USP18: variants seen among roughly 807,000 people sequenced by gnomAD.
USP18 encodes ubl carboxyl-terminal hydrolase 18.
Under a neutral mutation model 48.7 loss-of-function variants are expected in USP18, and 11 were observed. The ratio of observed to expected loss-of-function variants is 0.23; its 90% CI spans 0.14 to 0.37. The LOEUF (loss-of-function observed/expected upper bound fraction) is 0.37, where lower values mean the gene tolerates loss of function less well. Among genes scored for constraint, USP18 ranks in the 10% least tolerant of loss-of-function variants. USP18 has a pLI of 1.00. For synonymous variants in USP18, 114 were observed against 163.2 expected, an observed-to-expected ratio of 0.70 and a Z score of 2.30; for missense variants, 285 against 436.4, an observed-to-expected ratio of 0.65 and a Z score of 3.09.
intron 7 of USP18, among the ~76,000 whole-genome samples, chr22:18,170,349 C>G (rs183661931): frequency 2.9e-4 from 44 of 152,292 alleles, no homozygotes; most frequent in African/African-American, 1.0e-3. Flanking sequence ...CTGGGTCTGG[C>G]TAGTATCTGG....
chr22:18,157,067 A>G (rs918481419), intron 1 of USP18, among the ~76,000 whole-genome samples: 1 of 152,216 alleles, frequency 6.6e-6, no homozygotes, highest in Non-Finnish European at 1.5e-5. Context: ...CCTAAGGCCG[A>G]CAGGTAGCTA....
intron 4 of USP18, among the ~76,000 whole-genome samples, chr22:18,166,350 A>G (rs1929477630): frequency 6.6e-6 from 1 of 151,894 alleles, no homozygotes; most frequent in Non-Finnish European, 1.5e-5. Flanking sequence ...TTTCTTTTAC[A>G]TCTTTTGACA....
chr22:18,161,641 C>T (rs5993023), intron 3 of USP18, 149 bp from the exon 4 acceptor site: 73,289 of 706,982 alleles, frequency 0.1, 4,317 homozygotes, highest in Middle Eastern at 0.13. Context: ...TAACTGCCCG[C>T]GCCCCGCCCC....
chr22:18,153,481 G>C (rs949793624), intron 1 of USP18, among the ~76,000 whole-genome samples: 3 of 151,294 alleles, frequency 2.0e-5, no homozygotes, highest in Non-Finnish European at 4.4e-5. Context: ...CTGGAGTGCC[G>C]TGGCACGATC....
At chr22:18,160,591 T>C (rs1929303618) in intron 3 of USP18, among the ~76,000 whole-genome samples, 1 of 152,180 alleles carries the variant, frequency 6.6e-6, no homozygotes, top group Non-Finnish European at 1.5e-5. Flanking sequence ...CGTAAGCCAC[T>C]GCACCTGGCC....
chr22:18,159,672 A>ATTTTTTTT (rs34386839), intron 2 of USP18, among the ~76,000 whole-genome samples: 1 of 76,912 alleles, frequency 1.3e-5, no homozygotes, highest in Admixed American at 1.6e-4. Context: ...TGATTTTTGG[A>ATTTTTTTT]TTTTTTTTTT....
intron 8 of USP18, among the ~76,000 whole-genome samples, chr22:18,172,881 A>G (rs1438144829): frequency 6.7e-6 from 1 of 149,174 alleles, no homozygotes; most frequent in Non-Finnish European, 1.5e-5. Context: ...CCCAGGGGAA[A>G]GTTCTAATCT....
At position 18,159,879 on chromosome 22, in the gene USP18, G is replaced by A. The variant is rs1368516899; in HGVS notation, c.158-293G>A. 5.3e-5 allele frequency among the ~76,000 whole-genome samples: 8 copies of A among 151,958 alleles called. No individual in the cohort carries two copies. In the East Asian group the frequency reaches 1.6e-3, roughly 30 times the overall value. On this transcript the variant is annotated intron_variant, in intron 2 of 10. Coordinates refer to ENST00000215794, the MANE Select transcript of USP18 (RefSeq NM_017414.4). ...TTTTTAGTAGAGACGGGGTTTCACC[G>A]TGTTAGCCAGGATGGTCTCGATCTC...
chr22:18,157,910 C>T (rs963892216), intron 2 of USP18, 90 bp downstream of exon 2: 2 of 1,530,206 alleles, frequency 1.3e-6, no homozygotes, highest in East Asian at 2.3e-5. Context: ...GCTTTGTATT[C>T]GACGGCTCAT....
chr22:18,176,647 TAGATGAAGGCCTAATCCAGCCGCCTG>T (rs1929807293), intron 10 of USP18, 99 bp from the exon 11 acceptor site: 2 of 292,114 alleles, frequency 6.8e-6, no homozygotes, highest in African/African-American at 6.2e-5. Flanking sequence ...AGGTGATGGA[TAGATGAAGGCCTAATCCAGCCGCCTG>T]GAAGTTTGCT....
chr22:18,159,499 CT>C (rs34724251), intron 2 of USP18, among the ~76,000 whole-genome samples: 3,251 of 139,914 alleles, frequency 0.023, 109 homozygotes, highest in African/African-American at 0.074. Context: ...TTTTTGTCAA[CT>C]TTTTTTTTTT....
At chr22:18,173,751 G>C (rs1418032805) in intron 9 of USP18, 42 bp from the exon 10 acceptor site, 1 of 1,605,458 alleles carries the variant, frequency 6.2e-7, no homozygotes, top group Non-Finnish European at 8.5e-7. Context: ...GTGGGTGCTT[G>C]TGTCAGCTGG....
chr22:18,167,180 T>G, intron 4 of USP18, 75 bp from the exon 5 acceptor site: 1 of 1,566,018 alleles, frequency 6.4e-7, no homozygotes, highest in Non-Finnish European at 8.7e-7. Flanking sequence ...AGTGTTCATG[T>G]GTGTCTAAGT....
chr22:18,163,719 A>G (rs1929394640), intron 4 of USP18, among the ~76,000 whole-genome samples: 1 of 152,096 alleles, frequency 6.6e-6, no homozygotes, highest in Admixed American at 6.5e-5. Flanking sequence ...GGCCTTGTAT[A>G]AGAGACGAAC....
chr22:18,158,126 A>G (rs1215906612), intron 2 of USP18, among the ~76,000 whole-genome samples: 1 of 152,190 alleles, frequency 6.6e-6, no homozygotes, highest in Non-Finnish European at 1.5e-5. Context: ...CGTCTCTACT[A>G]AAAATACAAA....
chr22:18,159,672 A>AT (rs34386839), intron 2 of USP18, among the ~76,000 whole-genome samples: 832 of 76,920 alleles, frequency 0.011, 41 homozygotes, highest in African/African-American at 0.035. Context: ...TGATTTTTGG[A>AT]TTTTTTTTTT....
intron 4 of USP18, among the ~76,000 whole-genome samples, chr22:18,163,574 C>T (rs764831381): frequency 2.7e-5 from 4 of 150,796 alleles, no homozygotes; most frequent in Non-Finnish European, 4.4e-5. Flanking sequence ...ACCCGGGAGG[C>T]GGAGCTTGCA....
At chr22:18,167,654 C>G (rs1306139637) in intron 5 of USP18, among the ~76,000 whole-genome samples, 10 of 145,478 alleles carry the variant, frequency 6.9e-5, no homozygotes, top group Non-Finnish European at 1.3e-4. Flanking sequence ...GCCGAGATCG[C>G]GCCACTGCAC....
chr22:18,175,870 T>G (rs1929772819), intron 10 of USP18, among the ~76,000 whole-genome samples: 2 of 150,104 alleles, frequency 1.3e-5, no homozygotes, highest in Non-Finnish European at 2.9e-5. Context: ...TCCTAGCTAC[T>G]CAGGAAGCTA....
Sources: gnomAD v4.1 joint callset for allele counts (sites outside exome capture counted in the v4.1 genomes callset) on GRCh38, gnomAD v4.1.1 for gene constraint, MANE v1.5 for transcripts, NCBI Gene and HGNC (gene_info 2026-07-23, HGNC 2026-07-21) for gene names.